The following GPBP1 variants were observed in gnomAD, a reference collection of about 807,000 sequenced individuals.
GPBP1 encodes the protein vasculin.
Under a neutral mutation model 56.5 loss-of-function variants are expected in GPBP1, and 13 were observed. The observed-to-expected ratio is 0.23, with a 90% confidence interval of 0.15 to 0.37. GPBP1 has a LOEUF of 0.37. Among genes scored for constraint, GPBP1 ranks in the 10% least tolerant of loss-of-function variants. The pLI, the probability that GPBP1 is intolerant of heterozygous loss-of-function variation, is 1.00. For missense variants in GPBP1, 477 were observed against 572.3 expected (o/e 0.83, Z 1.70); for synonymous variants, 204 against 188.9 (o/e 1.08, Z -0.66).
rs1756322333 is a variant in GPBP1, at chr5:57,229,085, A to G, written c.64-1761A>G. Among the ~76,000 whole-genome samples the G allele has an allele frequency of 2.0e-5, 3 of 151,178 alleles. 1 individual carries two copies. Among genetic ancestry groups the G allele is most frequent in the South Asian group, 4.2e-4 (2 of 4,754 alleles). On this transcript the variant is annotated intron_variant, in intron 3 of 11. Transcript: ENST00000506184. ...GTTTCTACTAAAAATATAAAAATTA[A>G]CCGGTTGTGGTGGTGGGTGCCTGTA...
At chr5:57,195,073 G>GT (rs1202270577) in intron 2 of GPBP1, among the ~76,000 whole-genome samples, 1,847 of 146,736 alleles carry the variant, frequency 0.013, 34 homozygotes, top group African/African-American at 0.042. Flanking sequence ...TTAAGGATGG[G>GT]TTTTTTTTTT....
chr5:57,185,736 A>G (rs1291086934), intron 2 of GPBP1, among the ~76,000 whole-genome samples: 1 of 152,052 alleles, frequency 6.6e-6, no homozygotes, highest in Non-Finnish European at 1.5e-5. Context: ...ACGGTGCCTC[A>G]TGTCTGTAAT....
At chr5:57,210,983 A>C (rs1390809411) in intron 2 of GPBP1, among the ~76,000 whole-genome samples, 1 of 152,200 alleles carries the variant, frequency 6.6e-6, no homozygotes, top group Non-Finnish European at 1.5e-5. Flanking sequence ...CTATGACTTC[A>C]ACATACAAAT....
At chr5:57,230,033 C>T (rs549554340) in intron 3 of GPBP1, among the ~76,000 whole-genome samples, 3 of 151,008 alleles carry the variant, frequency 2.0e-5, no homozygotes, top group East Asian at 2.0e-4. Flanking sequence ...CAGGTTCAAG[C>T]GATTCTCTTG....
At position 57,176,100 on chromosome 5, in the gene GPBP1, C is replaced by A; in HGVS notation, c.-358C>A. The A allele has an allele frequency of 2.5e-6, 1 of 397,902 alleles. No homozygotes were observed. Among genetic ancestry groups the A allele is most frequent in the South Asian group, 1.3e-4 (1 of 7,768 alleles). The allele number at this position is 397,902 out of a possible 1,614,324, so 24.6% of individuals were successfully genotyped here. Reference sequence around the variant, plus strand: ...TTCTTTTTGTTTTTGCTTTTTGGCTCGTAAATTGGATATTTCATCTGGAGT... The same window carrying A: ...TTCTTTTTGTTTTTGCTTTTTGGCTAGTAAATTGGATATTTCATCTGGAGT... On this transcript the variant is annotated 5_prime_UTR_variant, in exon 2 of 12. The change creates a premature stop within an existing upstream ORF in the 5' untranslated region. Coordinates refer to ENST00000506184, the MANE Select transcript of GPBP1 (RefSeq NM_022913.4).
At chr5:57,181,212 G>A (rs1002528773) in intron 2 of GPBP1, among the ~76,000 whole-genome samples, 1 of 152,150 alleles carries the variant, frequency 6.6e-6, no homozygotes, top group African/African-American at 2.4e-5. Flanking sequence ...ACATGCGCCT[G>A]TAGTCCTAGC....
At chr5:57,243,969 A>G (rs955652500) in intron 6 of GPBP1, among the ~76,000 whole-genome samples, 4 of 152,162 alleles carry the variant, frequency 2.6e-5, no homozygotes, top group African/African-American at 7.2e-5. Context: ...GATTACAGGC[A>G]TGAGCCACCA....
intron 10 of GPBP1, among the ~76,000 whole-genome samples, chr5:57,259,201 CAG>C (rs1339781760): frequency 6.6e-6 from 1 of 152,170 alleles, no homozygotes; most frequent in Non-Finnish European, 1.5e-5. Context: ...ATTTGGGAGA[CAG>C]AAAACCAAAA....
chr5:57,202,880 G>C (rs1187178240), intron 2 of GPBP1, among the ~76,000 whole-genome samples: 1 of 152,082 alleles, frequency 6.6e-6, no homozygotes, highest in Non-Finnish European at 1.5e-5. Flanking sequence ...AGTTCATACT[G>C]TTTGCAATAT....
chr5:57,201,936 T>G (rs1755039264), intron 2 of GPBP1, among the ~76,000 whole-genome samples: 1 of 152,152 alleles, frequency 6.6e-6, no homozygotes, highest in Non-Finnish European at 1.5e-5. Context: ...TCTTGTAGCT[T>G]AGGGGCAAAT....
rs201941058 is a variant in GPBP1, at chr5:57,261,234, T to C, written c.1215T>C (p.Ala405=). ...ACAGTGAAAATGATGAAACATGTGC[T>C]CCCTTAACTGAGGATGAAATGAGAG... is the stretch of plus-strand genomic sequence containing the variant. ...QEDSENDETC[A]PLTEDEMREF... Residue 405 remains alanine, a synonymous_variant, in exon 11 of 12, where the codon GCT becomes GCC. Transcript: ENST00000506184. 107 of 1,613,112 alleles carry C rather than the reference T, an allele frequency of 6.6e-5. No individual in the cohort carries two copies. In the East Asian group the frequency reaches 2.0e-3, roughly 31 times the overall value.
chr5:57,201,754 C>T (rs534185655), intron 2 of GPBP1, among the ~76,000 whole-genome samples: 6 of 152,082 alleles, frequency 3.9e-5, no homozygotes, highest in Admixed American at 6.6e-5. Context: ...GTCTTGAAGA[C>T]GGGTTATTTG....
intron 6 of GPBP1, among the ~76,000 whole-genome samples, chr5:57,242,910 T>A (rs548956100): frequency 1.3e-3 from 199 of 151,916 alleles, no homozygotes; most frequent in African/African-American, 4.5e-3. Context: ...CCACCACACC[T>A]GGCTAACTTT....
In GPBP1 at chr5:57,254,576, T is replaced by C. The variant is rs147904184; in HGVS notation, c.1160+3435T>C. Among the ~76,000 whole-genome samples the C allele has an allele frequency of 5.6e-4, 85 of 151,906 alleles. 1 individual carries two copies. The East Asian group carries it at 0.016, about 29-fold the overall frequency. ...TGGGCATGGTGGTGCATGCGTGTAA[T>C]CCGAGCTATTCAGATGGCTGAGGCA... On this transcript the variant is annotated intron_variant, in intron 10 of 11. Transcript: ENST00000506184.
intron 3 of GPBP1, among the ~76,000 whole-genome samples, chr5:57,215,999 T>G (rs1370488376): frequency 6.6e-6 from 1 of 152,232 alleles, no homozygotes; most frequent in East Asian, 1.9e-4. Flanking sequence ...GAGTCATTAC[T>G]CCACGCGCTA....
intron 3 of GPBP1, among the ~76,000 whole-genome samples, chr5:57,221,135 TGTG>T (rs1172781893): frequency 1.3e-5 from 2 of 152,222 alleles, no homozygotes; most frequent in African/African-American, 2.4e-5. Context: ...AGCCCCATCA[TGTG>T]GTAAAAATTT....
chr5:57,245,622 G>A (rs1215376215), intron 6 of GPBP1: 1 of 152,168 alleles, frequency 6.6e-6, no homozygotes, highest in Non-Finnish European at 1.5e-5. Context: ...TTAAATTATA[G>A]GAATAATAGG....
At chr5:57,196,003 A>AAT (rs1754728098) in intron 2 of GPBP1, among the ~76,000 whole-genome samples, 4 of 121,386 alleles carry the variant, frequency 3.3e-5, no homozygotes, top group East Asian at 3.9e-4. Flanking sequence ...AAAAAAAAAA[A>AAT]AAATTTTTTT....
At chr5:57,189,003 T>TG (rs200078017) in intron 2 of GPBP1, among the ~76,000 whole-genome samples, 2,293 of 152,258 alleles carry the variant, frequency 0.015, 130 homozygotes, top group East Asian at 0.096. Flanking sequence ...TCTGTCTGTC[T>TG]TTCTTTGCGA....
Sources: gnomAD v4.1 joint callset for allele counts (sites outside exome capture counted in the v4.1 genomes callset) on GRCh38, gnomAD v4.1.1 for gene constraint, MANE v1.5 for transcripts, NCBI Gene and HGNC (gene_info 2026-07-23, HGNC 2026-07-21) for gene names.